Variants in AADACL3 observed in about 807,000 individuals in gnomAD.
AADACL3 encodes arylacetamide deacetylase-like 3.
In AADACL3, 13 loss-of-function variants were observed where a neutral mutation model predicts 13.6. The observed-to-expected ratio is 0.95, with a 90% CI of 0.62 to 1.52. The LOEUF (loss-of-function observed/expected upper bound fraction) is 1.52, where lower values mean the gene tolerates loss of function less well. Among genes scored for constraint, AADACL3 ranks in the 40% most tolerant of loss-of-function variants. AADACL3 has a pLI of 0.00. For synonymous variants in AADACL3, 195 were observed against 197.0 expected (o/e 0.99, Z 0.08); for missense variants, 519 against 499.2 (o/e 1.04, Z -0.38).
rs906432116 is a variant in AADACL3 at position 12,728,041 on chromosome 1, C to T, written c.*2045C>T. On this transcript the variant is annotated 3_prime_UTR_variant, in exon 4 of 4. Coordinates refer to ENST00000359318, the MANE Select transcript of AADACL3 (RefSeq NM_001103170.3). Reference sequence around the variant, plus strand: ...CATGCCCATGGCAGCTTCCTTCTGCCGATCATGGGAGAAATCAAGCACTTT... The same window carrying T: ...CATGCCCATGGCAGCTTCCTTCTGCTGATCATGGGAGAAATCAAGCACTTT... The T allele has an allele frequency of 5.9e-5, 9 of 152,190 alleles. No individual in the cohort carries two copies. The highest frequency in any genetic ancestry group is 2.0e-4 in the Admixed American group (3 of 15,268). 9.4% of individuals were successfully genotyped at this position (152,190 alleles called of 1,614,324 possible).
At chr1:12,719,263 G>C (rs1477320990) in intron 1 of AADACL3, among the ~76,000 whole-genome samples, 1 of 152,180 alleles carries the variant, frequency 6.6e-6, no homozygotes, top group Non-Finnish European at 1.5e-5. Flanking sequence ...AGAGGGGCTG[G>C]CTGGTGCTGT....
intron 1 of AADACL3, among the ~76,000 whole-genome samples, chr1:12,716,824 C>T (rs1296930492): frequency 1.3e-5 from 2 of 152,202 alleles, no homozygotes; most frequent in African/African-American, 4.8e-5. Context: ...AGTCTCTGGG[C>T]CCCCACTGCT....
intron 1 of AADACL3, among the ~76,000 whole-genome samples, chr1:12,718,359 CAAAAAAAA>C (rs781999285): frequency 1.5e-5 from 1 of 66,554 alleles, no homozygotes; most frequent in African/African-American, 5.3e-5. Flanking sequence ...CTCTTCTCTC[CAAAAAAAA>C]AAAAAAAAAA....
rs912393351 is a variant in AADACL3 at position 12,726,446 on chromosome 1, C to G, written c.*450C>G. The G allele has an allele frequency of 6.1e-6, 1 of 162,750 alleles. No individual in the cohort carries two copies. Among genetic ancestry groups the G allele is most frequent in the African/African-American group, 2.4e-5 (1 of 41,586 alleles). 10.1% of individuals were successfully genotyped at this position (162,750 alleles called of 1,614,324 possible). A position where few individuals can be genotyped will look rare whatever the true frequency, so the allele number is the denominator to read the frequency against. On this transcript the variant is annotated 3_prime_UTR_variant, in exon 4 of 4. Transcript: ENST00000359318. ...TGGCTCAGAGGCAGGAGCTCTGATGCTCTGGGCTGCTGTGAGGTGGTGGTG... is the reference window on the plus strand; with the variant it reads ...TGGCTCAGAGGCAGGAGCTCTGATGGTCTGGGCTGCTGTGAGGTGGTGGTG...
At chr1:12,720,139 C>G (rs1340910626) in intron 2 of AADACL3, among the ~76,000 whole-genome samples, 1 of 152,132 alleles carries the variant, frequency 6.6e-6, no homozygotes, top group Non-Finnish European at 1.5e-5. Context: ...AATTCTGGTA[C>G]AGACAGACAG....
rs116691186 is a variant in AADACL3 at position 12,716,978 on chromosome 1, G to A, written c.168+634G>A. ...GCTAGAAAGCTGCCTAGGGAATATA[G>A]TTTGGTTCTGCTTCTGGTGTAATTT... On this transcript the variant is annotated intron_variant, in intron 1 of 3. Coordinates refer to ENST00000359318, the MANE Select transcript of AADACL3 (RefSeq NM_001103170.3). Among the ~76,000 whole-genome samples the A allele has an allele frequency of 7.2e-3, 1,104 of 152,322 alleles. 10 individuals are homozygous for A. The highest frequency in any genetic ancestry group is 0.025 in the African/African-American group (1,039 of 41,566).
At chr1:12,721,827 G>A (rs965947040) in intron 3 of AADACL3, among the ~76,000 whole-genome samples, 1 of 152,192 alleles carries the variant, frequency 6.6e-6, no homozygotes, top group Non-Finnish European at 1.5e-5. Context: ...GACAGTCACC[G>A]CCCAGCCTGG....
In AADACL3 at chr1:12,726,294, G is replaced by A. The variant is rs1430228963; in HGVS notation, c.*298G>A. ...GGGAGTGAATCAGCCGGTAAGAGCT[G>A]TTCTCAGCCTCCCTAAGGGGCAGTT... On this transcript the variant is annotated 3_prime_UTR_variant, in exon 4 of 4. Transcript: ENST00000359318. 7 of 399,492 alleles carry A rather than the reference G, an allele frequency of 1.8e-5. No individual in the cohort carries two copies. Among genetic ancestry groups the A allele is most frequent in the Admixed American group, 1.7e-4 (4 of 24,028 alleles). The allele number at this position is 399,492 out of a possible 1,614,324, so 24.7% of individuals were successfully genotyped here. A position where few individuals can be genotyped will look rare whatever the true frequency, so the allele number is the denominator to read the frequency against.
rs1168326945 is a variant in AADACL3 at position 12,719,490 on chromosome 1, A to G, written c.184A>G (p.Lys62Glu). 6.2e-7 allele frequency: 1 copy of G among 1,613,828 alleles called. No homozygotes were observed. Among genetic ancestry groups the G allele is most frequent in the Non-Finnish European group, 8.5e-7 (1 of 1,179,838 alleles). Residue 62 changes from lysine to glutamate, a missense_variant, in exon 2 of 4, where the codon AAG becomes GAG. Coordinates refer to ENST00000359318, the MANE Select transcript of AADACL3 (RefSeq NM_001103170.3). ...TCTCCAACAGGGGATGATATTTGAG[A>G]AGCTCAGAATCTGTTCTATGCCCCA... ...LLLTWGMIFE[K>E]LRICSMPQFF...
At chr1:12,719,314 G>A (rs967226544) in intron 1 of AADACL3, among the ~76,000 whole-genome samples, 161 bp from the exon 2 acceptor site, 1 of 152,178 alleles carries the variant, frequency 6.6e-6, no homozygotes, top group Non-Finnish European at 1.5e-5. Context: ...TCCTGCAGGT[G>A]TCCTGAGGGA....
intron 3 of AADACL3, among the ~76,000 whole-genome samples, chr1:12,723,569 C>T (rs1363746436): frequency 6.6e-6 from 1 of 152,206 alleles, no homozygotes; most frequent in East Asian, 1.9e-4. Context: ...CCTCTGCCTC[C>T]TGGGCTCAAG....
intron 3 of AADACL3, among the ~76,000 whole-genome samples, chr1:12,721,930 T>C (rs1473812887): frequency 6.6e-6 from 1 of 152,202 alleles, no homozygotes; most frequent in African/African-American, 2.4e-5. Flanking sequence ...AGTTTCCCTG[T>C]AGTTTCATTT....
rs1419296089 is a variant in AADACL3, at chr1:12,725,833, T to C, written c.1061T>C (p.Leu354Pro). Residue 354 changes from leucine to proline, a missense_variant, in exon 4 of 4, where the codon CTG becomes CCG. Transcript: ENST00000359318. ...TATGATGCTCTCCGGGACAATTCAC[T>C]GTTGTACAAGAAAAGGCTGGAAGAC... ...CEYDALRDNS[L>P]LYKKRLEDLG... 6.2e-7 allele frequency: 1 copy of C among 1,614,170 alleles called. No individual in the cohort carries two copies. Among genetic ancestry groups the C allele is most frequent in the Admixed American group, 1.7e-5 (1 of 60,024 alleles).
Position 12,725,348 on chromosome 1 carries a change from C to T in AADACL3, c.576C>T (p.Asp192=), listed in dbSNP as rs748578813. The T allele has an allele frequency of 1.9e-6, 3 of 1,614,092 alleles. No homozygotes were observed. The South Asian group carries it at 3.3e-5, about 18-fold the overall frequency. The change falls in exon 4 of 4, where the codon GAC becomes GAT. Residue 192 remains aspartate, a synonymous_variant. Transcript: ENST00000359318. ...CAGCCCGGGTTGTGGTCTGCGGTGA[C>T]AGTTTCGGAGGGGCAATAGCCGCAG... ...VDPARVVVCG[D]SFGGAIAAVV...
Position 12,726,245 on chromosome 1 carries a change from T to A in AADACL3, c.*249T>A. ...TATTCTCTGTTGGGAAAACCTGGGC[T>A]GACAATATTCAGTGGCCATTTGTGG... On this transcript the variant is annotated 3_prime_UTR_variant, in exon 4 of 4. Coordinates refer to ENST00000359318, the MANE Select transcript of AADACL3 (RefSeq NM_001103170.3). The A allele has an allele frequency of 2.0e-6, 1 of 509,878 alleles. No homozygotes were observed. The highest frequency in any genetic ancestry group is 3.5e-6 in the Non-Finnish European group (1 of 289,660). The allele number at this position is 509,878 out of a possible 1,614,324, so 31.6% of individuals were successfully genotyped here.
rs1638230141 is a variant in AADACL3, at chr1:12,720,717, C to T, written c.386-166C>T. ...GGCGTCTTAGAGAAAGTTGTTCAGG[C>T]AGTACCACGAAGGAGAATCAGTGAG... On this transcript the variant is annotated intron_variant, in intron 2 of 3. Coordinates refer to ENST00000359318, the MANE Select transcript of AADACL3 (RefSeq NM_001103170.3). Among the ~76,000 whole-genome samples the T allele has an allele frequency of 2.6e-5, 4 of 152,126 alleles. 1 individual carries two copies. In the South Asian group the frequency reaches 8.3e-4, roughly 32 times the overall value.
chr1:12,725,452 C>T lies in AADACL3; in HGVS notation c.680C>T (p.Ala227Val), dbSNP rs1638347791. The part of the protein sequence containing the change: ...AQILIYAILQ[A>V]LDLQTPSFQQ... ...ATCCTGATCTATGCCATTCTCCAAG[C>T]CCTGGATTTACAAACCCCTTCGTTT... Residue 227 changes from alanine (A) to valine (V), a missense_variant, in exon 4 of 4, where the codon GCC (alanine) becomes GTC (valine). Coordinates refer to ENST00000359318, the MANE Select transcript of AADACL3 (RefSeq NM_001103170.3). 6.2e-7 allele frequency: 1 copy of T among 1,613,936 alleles called. No homozygotes were observed. Among genetic ancestry groups the T allele is most frequent in the Non-Finnish European group, 8.5e-7 (1 of 1,179,930 alleles).
intron 2 of AADACL3, among the ~76,000 whole-genome samples, chr1:12,720,584 G>C (rs767383761): frequency 1.8e-4 from 28 of 152,118 alleles, no homozygotes; most frequent in Non-Finnish European, 3.1e-4. Context: ...GCAAAGTTGA[G>C]ATTTGAACTC....
At chr1:12,723,196 C>A (rs1347098607) in intron 3 of AADACL3, among the ~76,000 whole-genome samples, 1 of 151,732 alleles carries the variant, frequency 6.6e-6, no homozygotes, top group South Asian at 2.1e-4. Flanking sequence ...AAGAAAAACA[C>A]CTGCTAATAT....
Sources: gnomAD v4.1 joint callset for allele counts (sites outside exome capture counted in the v4.1 genomes callset) on GRCh38, gnomAD v4.1.1 for gene constraint, MANE v1.5 for transcripts, NCBI Gene and HGNC (gene_info 2026-07-23, HGNC 2026-07-21) for gene names.